Variants in LAMA2 observed in about 807,000 individuals in gnomAD.
LAMA2 encodes the protein laminin subunit alpha 2, also known as laminin subunit alpha-2.
LAMA2 carries 269 observed loss-of-function variants against 364.8 expected under a neutral mutation model. That is an observed-to-expected ratio of 0.74 (90% CI 0.67 to 0.82). The LOEUF (loss-of-function observed/expected upper bound fraction) is 0.82, where lower values mean the gene tolerates loss of function less well. Among genes scored for constraint, LAMA2 ranks in the 40% least tolerant of loss-of-function variants. LAMA2 has a pLI of 0.00. For missense variants in LAMA2, 3,807 were observed against 3,873.2 expected (o/e 0.98, Z 0.45); for synonymous variants, 1,379 against 1,370.6 (o/e 1.01, Z -0.14).
chr6:128,964,115 T>G (rs749065859), intron 1 of LAMA2, among the ~76,000 whole-genome samples: 4 of 152,010 alleles, frequency 2.6e-5, no homozygotes, highest in Non-Finnish European at 4.4e-5. Context: ...AAGCCTGGAG[T>G]GCAGAATTGT....
intron 1 of LAMA2, among the ~76,000 whole-genome samples, chr6:129,048,616 CTCT>C (rs1562188247): frequency 6.7e-6 from 1 of 148,610 alleles, no homozygotes; most frequent in Non-Finnish European, 1.5e-5. Context: ...CTCTCTCTCT[CTCT>C]CTCTCTCTCT....
intron 4 of LAMA2, among the ~76,000 whole-genome samples, chr6:129,103,628 G>T (rs1775649589): frequency 6.6e-6 from 1 of 151,998 alleles, no homozygotes; most frequent in Admixed American, 6.6e-5. Flanking sequence ...ATTCAGTTTG[G>T]GTTTGCCTGA....
chr6:129,193,355 A>C (rs923422607), intron 12 of LAMA2, among the ~76,000 whole-genome samples: 1 of 152,252 alleles, frequency 6.6e-6, no homozygotes, highest in Non-Finnish European at 1.5e-5. Flanking sequence ...AGGCTTATGT[A>C]AACAACATAT....
At position 129,108,029 on chromosome 6, in the gene LAMA2, A is replaced by C. The variant is rs892689166; in HGVS notation, c.639+9614A>C. Among the ~76,000 whole-genome samples, 3 of 152,080 alleles carry C rather than the reference A, an allele frequency of 2.0e-5. No homozygotes were observed. The South Asian group carries it at 6.2e-4, about 31-fold the overall frequency. On this transcript the variant is annotated intron_variant, in intron 4 of 64. Transcript: ENST00000421865. ...GTATTTTCATGTTTTAGGTTAAAAA[A>C]ATTCTTTACCTTTTAGCTTTGATGA...
intron 12 of LAMA2, among the ~76,000 whole-genome samples, chr6:129,193,126 C>G (rs188404880): frequency 1.3e-5 from 2 of 152,092 alleles, no homozygotes. Flanking sequence ...AGTGTATTTT[C>G]GTAAAGCAAA....
intron 3 of LAMA2, among the ~76,000 whole-genome samples, chr6:129,089,004 T>A (rs1562228854): frequency 6.6e-6 from 1 of 151,990 alleles, no homozygotes; most frequent in Non-Finnish European, 1.5e-5. Flanking sequence ...ATCACACCAC[T>A]GCACTCCAGC....
intron 17 of LAMA2, among the ~76,000 whole-genome samples, chr6:129,279,232 G>T (rs565289993): frequency 1.4e-4 from 22 of 152,152 alleles, no homozygotes; most frequent in African/African-American, 4.8e-4. Flanking sequence ...ACGCATTACC[G>T]TGTGTCAATC....
At chr6:129,098,543 A>T in intron 4 of LAMA2, 128 bp downstream of exon 4, 4 of 1,106,728 alleles carry the variant, frequency 3.6e-6, no homozygotes, top group Non-Finnish European at 5.2e-6. Context: ...AGTACATTTA[A>T]ATGAGTTATT....
chr6:129,223,193 G>GT (rs1162860356), intron 12 of LAMA2, among the ~76,000 whole-genome samples: 2 of 152,188 alleles, frequency 1.3e-5, no homozygotes, highest in African/African-American at 4.8e-5. Context: ...GGGGTTATTT[G>GT]TTTTTTTCTT....
intron 40 of LAMA2, among the ~76,000 whole-genome samples, chr6:129,425,857 T>C (rs963108425): frequency 6.6e-5 from 10 of 152,014 alleles, no homozygotes; most frequent in African/African-American, 2.4e-4. Context: ...TATTTTCTTA[T>C]GCTCAGCAAA....
intron 45 of LAMA2, among the ~76,000 whole-genome samples, chr6:129,450,852 C>T (rs1220150390): frequency 1.3e-5 from 2 of 152,184 alleles, no homozygotes; most frequent in Non-Finnish European, 2.9e-5. Flanking sequence ...ATTTCTTGTT[C>T]ACTTTGATCC....
At chr6:129,279,763 A>G (rs1055853028) in intron 17 of LAMA2, among the ~76,000 whole-genome samples, 3 of 152,204 alleles carry the variant, frequency 2.0e-5, no homozygotes, top group African/African-American at 4.8e-5. Flanking sequence ...AGGAATTTCT[A>G]AAAAGCAGCT....
At chr6:129,198,249 ATAT>A (rs774126899) in intron 12 of LAMA2, among the ~76,000 whole-genome samples, 1 of 147,954 alleles carries the variant, frequency 6.8e-6, no homozygotes, top group Non-Finnish European at 1.5e-5. Context: ...ATATTATTAA[ATAT>A]TATTAATATT....
At chr6:129,374,550 T>A (rs2114636873) in intron 34 of LAMA2, among the ~76,000 whole-genome samples, 1 of 152,062 alleles carries the variant, frequency 6.6e-6, no homozygotes, top group East Asian at 1.9e-4. Flanking sequence ...CTCTTCCCTC[T>A]GGAAAATGCC....
At chr6:129,315,437 C>T (rs749261081) in intron 24 of LAMA2, 39 bp from the exon 25 acceptor site, 19 of 1,575,764 alleles carry the variant, frequency 1.2e-5, no homozygotes, top group East Asian at 1.1e-4. Context: ...ATGTCCAAAG[C>T]GTAAATTCAG....
In LAMA2 at chr6:128,910,687, C is replaced by T. The variant is rs1239480445; in HGVS notation, c.112+27330C>T. The stretch of plus-strand genomic sequence containing the variant: ...TCGTTCTGTTGTTGGTGAGGAACTG[C>T]GTTCCTTTGGAGGAGGAGAGGCGCT... On this transcript the variant is annotated intron_variant, in intron 1 of 64. Coordinates refer to ENST00000421865, the MANE Select transcript of LAMA2 (RefSeq NM_000426.4). Among the ~76,000 whole-genome samples, 19 of 152,310 alleles carry T rather than the reference C, an allele frequency of 1.2e-4. No homozygotes were observed. In the East Asian group the frequency reaches 1.4e-3, roughly 11 times the overall value.
At chr6:129,226,409 T>G (rs529358278) in intron 12 of LAMA2, among the ~76,000 whole-genome samples, 9 of 152,316 alleles carry the variant, frequency 5.9e-5, no homozygotes, top group South Asian at 2.1e-4. Flanking sequence ...GTTAGTTGTT[T>G]CAGTTTCTTC....
chr6:129,050,577 C>T (rs1451477802), intron 2 of LAMA2, among the ~76,000 whole-genome samples: 2 of 151,944 alleles, frequency 1.3e-5, no homozygotes, highest in Non-Finnish European at 2.9e-5. Context: ...CCAGAAGGAG[C>T]GATATCCAAG....
intron 12 of LAMA2, among the ~76,000 whole-genome samples, chr6:129,206,902 C>T (rs774297430): frequency 3.9e-5 from 6 of 152,198 alleles, no homozygotes; most frequent in African/African-American, 1.2e-4. Flanking sequence ...TGAGGCACAT[C>T]GAAAGCTGAC....
Sources: gnomAD v4.1 joint callset for allele counts (sites outside exome capture counted in the v4.1 genomes callset) on GRCh38, gnomAD v4.1.1 for gene constraint, MANE v1.5 for transcripts, NCBI Gene and HGNC (gene_info 2026-07-23, HGNC 2026-07-21) for gene names.